TLE1: variants seen among roughly 807,000 people sequenced by gnomAD.
TLE1 encodes the protein TLE family member 1, transcriptional corepressor, also known as transducin-like enhancer protein 1.
In TLE1, 21 loss-of-function variants were observed where a neutral mutation model predicts 89.8. The ratio of observed to expected loss-of-function variants is 0.23; its 90% CI spans 0.17 to 0.34. The LOEUF (loss-of-function observed/expected upper bound fraction) is 0.34. Among genes scored for constraint, TLE1 ranks in the 10% least tolerant of loss-of-function variants. The pLI is 1.00. For synonymous variants in TLE1, 447 were observed against 407.6 expected (o/e 1.10, Z -1.16); for missense variants, 795 against 1,031.2 (o/e 0.77, Z 3.14).
At chr9:81,676,336 T>C (rs1329931246) in intron 4 of TLE1, among the ~76,000 whole-genome samples, 1 of 152,060 alleles carries the variant, frequency 6.6e-6, no homozygotes, top group Admixed American at 6.6e-5. Flanking sequence ...AAGAAGCACA[T>C]GAAAAACCAT....
chr9:81,646,050 T>C (rs980439369), intron 6 of TLE1, among the ~76,000 whole-genome samples: 1 of 152,176 alleles, frequency 6.6e-6, no homozygotes, highest in African/African-American at 2.4e-5. Context: ...GGTTGATAGG[T>C]GCAGCAATCA....
At chr9:81,599,466 A>G (rs546027141) in intron 14 of TLE1, among the ~76,000 whole-genome samples, 3 of 152,296 alleles carry the variant, frequency 2.0e-5, no homozygotes, top group South Asian at 4.1e-4. Flanking sequence ...GGCTGGGGGA[A>G]CCGGGCTCCT....
chr9:81,619,602 G>A (rs1824978801), intron 9 of TLE1, among the ~76,000 whole-genome samples: 1 of 152,158 alleles, frequency 6.6e-6, no homozygotes, highest in Non-Finnish European at 1.5e-5. Context: ...TTCCTGCAAG[G>A]GCATCAGGGA....
chr9:81,670,260 A>G (rs935724119), intron 4 of TLE1, among the ~76,000 whole-genome samples: 6 of 152,138 alleles, frequency 3.9e-5, no homozygotes, highest in African/African-American at 1.4e-4. Flanking sequence ...TGGTCTTCAA[A>G]CTCTACTCCA....
chr9:81,611,862 TG>T lies in TLE1; in HGVS notation c.1160del (p.Pro387GlnfsTer15). The T allele has an allele frequency of 6.4e-7, 1 of 1,559,608 alleles. No individual in the cohort carries two copies. Among genetic ancestry groups the T allele is most frequent in the Admixed American group, 2.0e-5 (1 of 49,678 alleles). The part of the protein sequence containing the change: ...HAGMNGELTS[P>X]GAAYASLHNM... ...TGTGTAAACTGGCGTAGGCAGCGCCTGGGCTGGTCAGCTCGCCGTTCATGCC... is the reference window on the plus strand; with the variant it reads ...TGTGTAAACTGGCGTAGGCAGCGCCTGGCTGGTCAGCTCGCCGTTCATGCC... On this transcript the variant is annotated frameshift_variant, in exon 13 of 20. Coordinates refer to ENST00000376499, the MANE Select transcript of TLE1 (RefSeq NM_005077.5). LOFTEE classifies it high-confidence loss of function.
chr9:81,632,012 C>G (rs1826684286), intron 8 of TLE1, among the ~76,000 whole-genome samples: 1 of 152,168 alleles, frequency 6.6e-6, no homozygotes, highest in Non-Finnish European at 1.5e-5. Flanking sequence ...ATCGCTTGAA[C>G]CCAGGAGGCG....
In TLE1 at chr9:81,611,749, C is replaced by A; in HGVS notation, c.1254+20G>T. On this transcript the variant is annotated intron_variant, in intron 13 of 19. Transcript: ENST00000376499. ...TGCAGCGTTCCTACCCCAACCACAGCCCACCCGACAGCGGCCTACCATGGG... is the reference window on the plus strand; with the variant it reads ...TGCAGCGTTCCTACCCCAACCACAGACCACCCGACAGCGGCCTACCATGGG... 2 of 1,492,218 alleles carry A rather than the reference C, an allele frequency of 1.3e-6. No individual in the cohort carries two copies. Among genetic ancestry groups the A allele is most frequent in the Non-Finnish European group, 1.8e-6 (2 of 1,128,776 alleles). The allele number at this position is 1,492,218 out of a possible 1,614,324, so 92.4% of individuals were successfully genotyped here. A position where few individuals can be genotyped will look rare whatever the true frequency, so the allele number is the denominator to read the frequency against.
At chr9:81,660,241 C>T (rs1830597792) in intron 4 of TLE1, among the ~76,000 whole-genome samples, 1 of 151,448 alleles carries the variant, frequency 6.6e-6, no homozygotes, top group Non-Finnish European at 1.5e-5. Context: ...AAAGTCATGC[C>T]TCAATGAACC....
chr9:81,630,552 C>T (rs1429570759), intron 8 of TLE1, among the ~76,000 whole-genome samples: 1 of 151,864 alleles, frequency 6.6e-6, no homozygotes, highest in Non-Finnish European at 1.5e-5. Flanking sequence ...AAAATATAAC[C>T]CAGATAAACA....
chr9:81,687,197 A>G, intron 2 of TLE1, 137 bp downstream of exon 2: 1 of 640,548 alleles, frequency 1.6e-6, no homozygotes, highest in Non-Finnish European at 2.7e-6. Context: ...GGGTAACTTG[A>G]ATGACAGGTC....
At chr9:81,605,405 T>C (rs1831507892) in intron 14 of TLE1, among the ~76,000 whole-genome samples, 2 of 152,280 alleles carry the variant, frequency 1.3e-5, no homozygotes, top group African/African-American at 4.8e-5. Flanking sequence ...TTCATTTGTA[T>C]TGTATGTTAC....
intron 6 of TLE1, among the ~76,000 whole-genome samples, chr9:81,651,807 A>G (rs1588126444): frequency 6.6e-6 from 1 of 152,104 alleles, no homozygotes; most frequent in East Asian, 1.9e-4. Flanking sequence ...GATGAACTAC[A>G]TTTATTTTCC....
intron 10 of TLE1, 134 bp from the exon 11 acceptor site, chr9:81,616,268 CCAT>C (rs764302356): frequency 1.3e-5 from 14 of 1,097,714 alleles, no homozygotes; most frequent in Non-Finnish European, 1.8e-5. Context: ...GTGACCAACA[CCAT>C]GTTATAAATG....
intron 9 of TLE1, among the ~76,000 whole-genome samples, chr9:81,618,060 G>A (rs559626687): frequency 1.3e-5 from 2 of 151,984 alleles, no homozygotes; most frequent in Non-Finnish European, 2.9e-5. Context: ...TCAATGATGC[G>A]ATCATCCCTA....
Position 81,611,868 on chromosome 9 carries a change from G to C in TLE1, c.1155C>G (p.Thr385=), listed in dbSNP as rs1429780984. 6.4e-7 allele frequency: 1 copy of C among 1,558,240 alleles called. No individual in the cohort carries two copies. Reference sequence around the variant, plus strand: ...AACTGGCGTAGGCAGCGCCTGGGCTGGTCAGCTCGCCGTTCATGCCAGCGT... The same window carrying C: ...AACTGGCGTAGGCAGCGCCTGGGCTCGTCAGCTCGCCGTTCATGCCAGCGT... The part of the protein sequence containing the change: ...VPHAGMNGEL[T]SPGAAYASLH... The change falls in exon 13 of 20, where the codon ACC becomes ACG. Residue 385 remains threonine, a synonymous_variant. Coordinates refer to ENST00000376499, the MANE Select transcript of TLE1 (RefSeq NM_005077.5).
chr9:81,659,921 T>C (rs900323693), intron 4 of TLE1, among the ~76,000 whole-genome samples: 1 of 152,156 alleles, frequency 6.6e-6, no homozygotes, highest in Non-Finnish European at 1.5e-5. Flanking sequence ...CCTCAAGGCC[T>C]GCCTCAAATT....
At chr9:81,608,122 C>T (rs1415360856) in intron 14 of TLE1, among the ~76,000 whole-genome samples, 1 of 152,108 alleles carries the variant, frequency 6.6e-6, no homozygotes, top group Admixed American at 6.5e-5. Context: ...CAAAATAATT[C>T]ACCATGCTGG....
chr9:81,627,679 C>T (rs1826070657), intron 8 of TLE1, among the ~76,000 whole-genome samples: 1 of 152,104 alleles, frequency 6.6e-6, no homozygotes, highest in Admixed American at 6.5e-5. Flanking sequence ...TCAGTTTTAG[C>T]CTTTATTTCC....
chr9:81,677,430 T>C (rs1412741755), intron 4 of TLE1, among the ~76,000 whole-genome samples: 1 of 151,494 alleles, frequency 6.6e-6, no homozygotes, highest in African/African-American at 2.4e-5. Context: ...CCGGGCATCG[T>C]GGCAGACGCC....
Sources: gnomAD v4.1 joint callset for allele counts (sites outside exome capture counted in the v4.1 genomes callset) on GRCh38, gnomAD v4.1.1 for gene constraint, MANE v1.5 for transcripts, NCBI Gene and HGNC (gene_info 2026-07-23, HGNC 2026-07-21) for gene names.